XYLB: variants seen among roughly 807,000 people sequenced by gnomAD.
XYLB encodes xylulose kinase.
In XYLB, 62 loss-of-function variants were observed where a neutral mutation model predicts 78.7. The observed-to-expected ratio is 0.79, with a 90% confidence interval of 0.64 to 0.97. The LOEUF (loss-of-function observed/expected upper bound fraction) is 0.97. Among genes scored for constraint, XYLB ranks in the 50% least tolerant of loss-of-function variants. The pLI is 0.00. For missense variants in XYLB, 687 were observed against 676.8 expected (o/e 1.02, Z -0.17); for synonymous variants, 245 against 247.4 (o/e 0.99, Z 0.09).
At position 38,413,687 on chromosome 3, in the gene XYLB, A is replaced by T. The variant is rs558917742; in HGVS notation, c.*674A>T. On this transcript the variant is annotated 3_prime_UTR_variant, in exon 19 of 19. Transcript: ENST00000207870. Reference sequence around the variant, plus strand: ...TCCTCCCTCCCCAAACTCACTTGGCATAATTCACAACCTCCCACCCAAACA... The same window carrying T: ...TCCTCCCTCCCCAAACTCACTTGGCTTAATTCACAACCTCCCACCCAAACA... 4.6e-5 allele frequency: 7 copies of T among 151,860 alleles called. No homozygotes were observed. Among genetic ancestry groups the T allele is most frequent in the Non-Finnish European group, 1.0e-4 (7 of 68,008 alleles). 9.4% of individuals were successfully genotyped at this position (151,860 alleles called of 1,614,324 possible).
At chr3:38,376,360 T>G in intron 13 of XYLB, 128 bp downstream of exon 13, 2 of 680,850 alleles carry the variant, frequency 2.9e-6, no homozygotes, top group Non-Finnish European at 5.3e-6. Context: ...CCTGTCTGTC[T>G]GCACTTATAT....
chr3:38,355,396 T>A (rs1175169718), intron 2 of XYLB, among the ~76,000 whole-genome samples: 1 of 152,244 alleles, frequency 6.6e-6, no homozygotes, highest in Non-Finnish European at 1.5e-5. Flanking sequence ...GCAAGTAGAA[T>A]TGTGAGCTTA....
At chr3:38,432,574 T>A in the XYLB span, among the ~76,000 whole-genome samples, 7 of 150,738 alleles carry the variant, frequency 4.6e-5, no homozygotes, top group Non-Finnish European at 1.0e-4. Flanking sequence ...AAAAAAAAAA[T>A]TTACTTCCTA....
chr3:38,387,237 T>C (rs79683289), intron 15 of XYLB, among the ~76,000 whole-genome samples: 3,522 of 152,268 alleles, frequency 0.023, 142 homozygotes, highest in African/African-American at 0.08. Flanking sequence ...TATTTTTCCC[T>C]ATTCCCTCTT....
chr3:38,361,591 G>A (rs2125573211), intron 3 of XYLB, among the ~76,000 whole-genome samples: 1 of 152,342 alleles, frequency 6.6e-6, no homozygotes, highest in African/African-American at 2.4e-5. Context: ...ACAATGGTCA[G>A]TGTCAGGAGG....
chr3:38,362,248 T>C (rs1706013703), intron 3 of XYLB, among the ~76,000 whole-genome samples: 1 of 152,184 alleles, frequency 6.6e-6, no homozygotes, highest in African/African-American at 2.4e-5. Flanking sequence ...CCTTACTTTG[T>C]TAGTTTTTGA....
chr3:38,398,163 T>A (rs1323289993), intron 17 of XYLB, among the ~76,000 whole-genome samples: 1 of 151,134 alleles, frequency 6.6e-6, no homozygotes, highest in Admixed American at 6.6e-5. Flanking sequence ...TCAGGCAACA[T>A]ATCCTTCTCT....
intron 10 of XYLB, among the ~76,000 whole-genome samples, chr3:38,373,637 TTTG>T (rs1706691320): frequency 6.6e-6 from 1 of 152,190 alleles, no homozygotes; most frequent in South Asian, 2.1e-4. Context: ...GTCTCGTCTC[TTTG>T]TTGTTATAGG....
intron 4 of XYLB, 32 bp downstream of exon 4, chr3:38,363,049 G>A: frequency 3.3e-6 from 5 of 1,495,042 alleles, no homozygotes; most frequent in Non-Finnish European, 3.6e-6. Context: ...TCTGCCATGT[G>A]AGGGTGACTG....
At chr3:38,397,894 A>G (rs960301220) in intron 17 of XYLB, among the ~76,000 whole-genome samples, 8 of 150,126 alleles carry the variant, frequency 5.3e-5, no homozygotes, top group African/African-American at 1.5e-4. Context: ...TCTTGGTTCA[A>G]TGCAAGCTCT....
At chr3:38,445,293 G>T in the XYLB span, among the ~76,000 whole-genome samples, 1 of 152,150 alleles carries the variant, frequency 6.6e-6, no homozygotes, top group East Asian at 1.9e-4. Flanking sequence ...GATCCTAAAA[G>T]GATAGTTGAA....
At chr3:38,377,110 T>A in intron 14 of XYLB, 119 bp downstream of exon 14, 1 of 893,064 alleles carries the variant, frequency 1.1e-6, no homozygotes, top group Non-Finnish European at 1.8e-6. Context: ...TCCATTAATA[T>A]CATACACACT....
intron 15 of XYLB, among the ~76,000 whole-genome samples, chr3:38,380,714 A>C (rs183149675): frequency 2.6e-5 from 4 of 152,356 alleles, no homozygotes; most frequent in Non-Finnish European, 4.4e-5. Context: ...GCATGTGTTT[A>C]CTAAAGATGT....
chr3:38,380,836 A>G (rs568632416), intron 15 of XYLB, among the ~76,000 whole-genome samples: 82 of 152,348 alleles, frequency 5.4e-4, no homozygotes, highest in African/African-American at 1.9e-3. Context: ...GTACAACAGG[A>G]TACTACACAC....
At chr3:38,450,253 A>C in the XYLB span, among the ~76,000 whole-genome samples, 2 of 152,246 alleles carry the variant, frequency 1.3e-5, no homozygotes, top group Non-Finnish European at 2.9e-5. Context: ...AGAAATTCCC[A>C]AATAACATTA....
chr3:38,416,784 A>G (rs898026960), downstream of XYLB, among the ~76,000 whole-genome samples: 1 of 152,196 alleles, frequency 6.6e-6, no homozygotes, highest in Admixed American at 6.5e-5. Context: ...ACTATTTATG[A>G]GTGTTAGAGC....
At chr3:38,451,903 T>C in the XYLB span, 1 of 152,176 alleles carries the variant, frequency 6.6e-6, no homozygotes, top group African/African-American at 2.4e-5. Flanking sequence ...ACACAGATAT[T>C]TGGGCAGCTT....
chr3:38,379,183 A>T, intron 14 of XYLB, 63 bp from the exon 15 acceptor site: 1 of 1,511,660 alleles, frequency 6.6e-7, no homozygotes, highest in Non-Finnish European at 9.2e-7. Context: ...ACAGACACAC[A>T]CATACACACA....
rs112046512 is a variant in XYLB, at chr3:38,375,076, C to T, written c.889-68C>T. 2,077 of 1,277,230 alleles carry T rather than the reference C, an allele frequency of 1.6e-3. 6 individuals carry two copies. The highest frequency in any genetic ancestry group is 1.7e-3 in the Non-Finnish European group (1,522 of 897,534). 79.1% of individuals were successfully genotyped at this position (1,277,230 alleles called of 1,614,324 possible). On this transcript the variant is annotated intron_variant, in intron 11 of 18. Coordinates refer to ENST00000207870, the MANE Select transcript of XYLB (RefSeq NM_005108.4). ...GGGTTAAGGTGGGTGGAGTACAGCGCGTCGCTGGCAGAGGGCAGCGTGTGT... is the reference window on the plus strand; with the variant it reads ...GGGTTAAGGTGGGTGGAGTACAGCGTGTCGCTGGCAGAGGGCAGCGTGTGT...
Sources: allele counts gnomAD v4.1 joint callset (sites outside exome capture counted in the v4.1 genomes callset), GRCh38; gene constraint gnomAD v4.1.1; transcripts MANE v1.5; gene names NCBI Gene and HGNC (gene_info 2026-07-23, HGNC 2026-07-21).